SPIRE2: variants seen among roughly 807,000 people sequenced by gnomAD.
The protein encoded by SPIRE2 is spire type actin nucleation factor 2, also known as protein spire homolog 2.
Under a neutral mutation model 80.7 loss-of-function variants are expected in SPIRE2, and 76 were observed. The ratio of observed to expected loss-of-function variants is 0.94; its 90% CI spans 0.78 to 1.14. The LOEUF is 1.14. SPIRE2 is among the 50% of genes most tolerant of loss of function. The probability of loss-of-function intolerance (pLI) is 0.00; values close to 1 mark genes in which losing one functional copy is unlikely to be tolerated. For missense variants in SPIRE2, 1,196 were observed against 1,015.3 expected (o/e 1.18, Z -2.42); for synonymous variants, 535 against 432.6 (o/e 1.24, Z -2.94).
At position 89,854,372 on chromosome 16, in the gene SPIRE2, G is replaced by T. The variant is rs1409189740; in HGVS notation, c.726+6G>T. 3.7e-6 allele frequency: 6 copies of T among 1,612,020 alleles called. No homozygotes were observed. The highest frequency in any genetic ancestry group is 5.1e-6 in the Non-Finnish European group (6 of 1,179,694). ...GCCTGGGTCACACAGACTGGGTAAG[G>T]CTCACTCCCACCTGACCGGGCCACT... On this transcript the variant is annotated splice_donor_region_variant and intron_variant, in intron 4 of 14. Transcript: ENST00000378247.
chr16:89,836,090 G>A (rs1051197733), intron 1 of SPIRE2: 6 of 413,300 alleles, frequency 1.5e-5, no homozygotes, highest in Middle Eastern at 3.6e-4. Flanking sequence ...CAGGAGAATC[G>A]CTTGAATCTG....
At chr16:89,868,997 C>T (rs2041812431) in intron 13 of SPIRE2, among the ~76,000 whole-genome samples, 1 of 127,942 alleles carries the variant, frequency 7.8e-6, no homozygotes, top group Non-Finnish European at 1.6e-5. Flanking sequence ...TGCCTCTGTA[C>T]TCCAGCCTGG....
intron 1 of SPIRE2, among the ~76,000 whole-genome samples, chr16:89,831,058 C>A (rs946197556): frequency 1.3e-5 from 2 of 150,356 alleles, no homozygotes; most frequent in African/African-American, 4.9e-5. Context: ...TACAGGCGCC[C>A]GCCACCACGC....
rs901883258 is a variant in SPIRE2 at position 89,867,422 on chromosome 16, C to T, written c.1779-767C>T. Among the ~76,000 whole-genome samples the T allele has an allele frequency of 5.3e-5, 8 of 152,114 alleles. 1 individual carries two copies. Among genetic ancestry groups the T allele is most frequent in the South Asian group, 2.1e-4 (1 of 4,810 alleles). On this transcript the variant is annotated intron_variant, in intron 12 of 14. Transcript: ENST00000378247. ...CCTCCCAAAGTGCTGGGATTACAGG[C>T]GTGAGGCATCGCGCCTGGCCGACAG... is the stretch of plus-strand genomic sequence containing the variant.
At chr16:89,861,119 G>A (rs954881986) in intron 10 of SPIRE2, among the ~76,000 whole-genome samples, 1 of 152,132 alleles carries the variant, frequency 6.6e-6, no homozygotes, top group Non-Finnish European at 1.5e-5. Context: ...AGTGTGAGGG[G>A]GGTTCACTGG....
intron 5 of SPIRE2, 134 bp downstream of exon 5, chr16:89,854,785 T>C: frequency 1.1e-6 from 1 of 911,034 alleles, no homozygotes; most frequent in Middle Eastern, 3.3e-4. Flanking sequence ...CTGTGCTGGG[T>C]ACTGGGTCAT....
chr16:89,867,105 G>C (rs913465524), intron 12 of SPIRE2, among the ~76,000 whole-genome samples: 1 of 151,914 alleles, frequency 6.6e-6, no homozygotes, highest in African/African-American at 2.4e-5. Context: ...TTCCAAGACA[G>C]TGTGCAAGTT....
At chr16:89,843,721 A>C (rs1346130305) in intron 1 of SPIRE2, among the ~76,000 whole-genome samples, 2 of 37,706 alleles carry the variant, frequency 5.3e-5, no homozygotes, top group Non-Finnish European at 9.2e-5. Flanking sequence ...TTTTTTTGAG[A>C]CAGAGTCTCG....
At chr16:89,834,945 C>T (rs2041430638) in intron 1 of SPIRE2, among the ~76,000 whole-genome samples, 2 of 148,552 alleles carry the variant, frequency 1.3e-5, no homozygotes, top group Non-Finnish European at 1.5e-5. Context: ...AACCTGCCCG[C>T]ACTCGCGGCT....
Position 89,854,518 on chromosome 16 carries a change from T to C in SPIRE2, c.758T>C (p.Leu253Pro). The C allele has an allele frequency of 6.2e-7, 1 of 1,612,584 alleles. No individual in the cohort carries two copies. Among genetic ancestry groups the C allele is most frequent in the Non-Finnish European group, 8.5e-7 (1 of 1,179,874 alleles). Residue 253 changes from leucine to proline, a missense_variant, in exon 5 of 15, where the codon CTC becomes CCC. Transcript: ENST00000378247. ...CTGTGGGTTCAGCTCATGCGGGAGCTCCGCCGCGGAGTGAAGCTGAAGAAG... is the reference window on the plus strand; with the variant it reads ...CTGTGGGTTCAGCTCATGCGGGAGCCCCGCCGCGGAGTGAAGCTGAAGAAG... The part of the protein sequence containing the change: ...ARLWVQLMRE[L>P]RRGVKLKKVQ...
intron 1 of SPIRE2, among the ~76,000 whole-genome samples, chr16:89,842,994 G>A (rs552996625): frequency 9.6e-4 from 146 of 152,358 alleles, no homozygotes; most frequent in Non-Finnish European, 1.7e-3. Flanking sequence ...CTGAGCAGAT[G>A]ATTTCATGGC....
chr16:89,860,368 C>T (rs2041731762), intron 9 of SPIRE2, among the ~76,000 whole-genome samples: 1 of 152,132 alleles, frequency 6.6e-6, no homozygotes, highest in Admixed American at 6.5e-5. Context: ...AAGCAATCCT[C>T]CCGCCTCAGC....
intron 3 of SPIRE2, among the ~76,000 whole-genome samples, chr16:89,851,607 G>A (rs1165387074): frequency 1.3e-5 from 2 of 152,062 alleles, no homozygotes; most frequent in Non-Finnish European, 1.5e-5. Context: ...TCTCTCCGTG[G>A]ACTCAGAGTT....
intron 1 of SPIRE2, among the ~76,000 whole-genome samples, chr16:89,834,391 C>A (rs2041421525): frequency 7.5e-6 from 1 of 133,356 alleles, no homozygotes. Flanking sequence ...ATAAGCATAG[C>A]CCGTGTGAAT....
intron 1 of SPIRE2, among the ~76,000 whole-genome samples, chr16:89,830,176 G>GGTCCTCAGAGCAGT (rs1258975996): frequency 6.6e-6 from 1 of 151,186 alleles, no homozygotes; most frequent in Non-Finnish European, 1.5e-5. Flanking sequence ...TGCTGTGCAA[G>GGTCCTCAGAGCAGT]GCGTCCTCAG....
Position 89,828,770 on chromosome 16 carries a change from G to T in SPIRE2, c.220G>T (p.Gly74Trp). 1 of 1,187,894 alleles carries T rather than the reference G, an allele frequency of 8.4e-7. No homozygotes were observed. The highest frequency in any genetic ancestry group is 1.0e-6 in the Non-Finnish European group (1 of 959,918). The allele number at this position is 1,187,894 out of a possible 1,614,324, so 73.6% of individuals were successfully genotyped here. Reference sequence around the variant, plus strand: ...CCTGCTGCGCGGGGACGGCTCGGTCGGGGCGCGGGAGCCCGAGGCCGCGGG... The same window carrying T: ...CCTGCTGCGCGGGGACGGCTCGGTCTGGGCGCGGGAGCCCGAGGCCGCGGG... ...DLLLRGDGSVGAREPEAAEPA... is the reference protein window; with the variant it reads ...DLLLRGDGSVWAREPEAAEPA... The change falls in exon 1 of 15, where the codon GGG becomes TGG. Residue 74 changes from glycine to tryptophan, a missense_variant. Coordinates refer to ENST00000378247, the MANE Select transcript of SPIRE2 (RefSeq NM_032451.2). The surrounding 1 kb of genome is among the most constrained non-coding windows in gnomAD (Gnocchi z 5.9).
intron 5 of SPIRE2, 97 bp downstream of exon 5, chr16:89,854,748 C>A: frequency 7.6e-7 from 1 of 1,321,550 alleles, no homozygotes; most frequent in Non-Finnish European, 1.0e-6. Flanking sequence ...CAGCCCACCC[C>A]AGAGAGCGGC....
chr16:89,863,589 C>T lies in SPIRE2; in HGVS notation c.1689C>T (p.Phe563=), dbSNP rs1280943484. 3 of 1,614,102 alleles carry T rather than the reference C, an allele frequency of 1.9e-6. No homozygotes were observed. Among genetic ancestry groups the T allele is most frequent in the Non-Finnish European group, 2.5e-6 (3 of 1,180,034 alleles). ...AGTTTTTGCAGAACAAGGAGCTCTT[C>T]AGCAGTCTGAAGAAGGGGAAGGTGA... The part of the protein sequence containing the change: ...MEKFLQNKEL[F]SSLKKGKICC... The change falls in exon 11 of 15, where the codon TTC becomes TTT. Residue 563 remains phenylalanine, a synonymous_variant. Coordinates refer to ENST00000378247, the MANE Select transcript of SPIRE2 (RefSeq NM_032451.2). This position sits in a 1 kb window ranked among gnomAD's most constrained non-coding sequence, Gnocchi z 4.3.
Position 89,843,671 on chromosome 16 carries a change from TTTTTTTTTTGTTTGTTTTTGTTTTTTG to T in SPIRE2, c.245-1641_245-1615del, listed in dbSNP as rs1409138991. 1.7e-4 allele frequency among the ~76,000 whole-genome samples: 10 copies of T among 57,372 alleles called. 1 individual carries two copies. In the East Asian group the frequency reaches 0.1, roughly 585 times the overall value. The allele number at this position is 57,372 out of a possible 152,430, so 37.6% of individuals were successfully genotyped here. A position where few individuals can be genotyped will look rare whatever the true frequency, so the allele number is the denominator to read the frequency against. On this transcript the variant is annotated intron_variant, in intron 1 of 14. Transcript: ENST00000378247. ...GAGCTGCTGCCTTGCTGCCACGTTTTTTTTTTTTTGTTTGTTTTTGTTTTTTGTTTTTTTTTTTTTTTTTTTGAGACA... is the reference window on the plus strand; with the variant it reads ...GAGCTGCTGCCTTGCTGCCACGTTTTTTTTTTTTTTTTTTTTTTTGAGACA...
Sources: gnomAD v4.1 joint callset for allele counts (sites outside exome capture counted in the v4.1 genomes callset) on GRCh38, gnomAD v4.1.1 for gene constraint, Gnocchi (gnomAD v3.1) non-coding constraint, MANE v1.5 for transcripts, NCBI Gene and HGNC (gene_info 2026-07-23, HGNC 2026-07-21) for gene names.